The following ST8SIA5 variants were observed in gnomAD, a reference collection of about 807,000 sequenced individuals.
The protein encoded by ST8SIA5 is ST8 alpha-N-acetyl-neuraminide alpha-2,8-sialyltransferase 5.
ST8SIA5 carries 24 observed loss-of-function variants against 40.2 expected under a neutral mutation model. The observed-to-expected ratio is 0.60, with a 90% CI of 0.43 to 0.84. The LOEUF is 0.84. Ranked by LOEUF, ST8SIA5 falls within the 40% of genes least tolerant of loss-of-function variation. ST8SIA5 has a pLI of 0.00. For missense variants in ST8SIA5, 465 were observed against 498.5 expected (o/e 0.93, Z 0.64); for synonymous variants, 198 against 201.8 (o/e 0.98, Z 0.16).
chr18:46,753,812 C>A (rs748010471), intron 1 of ST8SIA5, among the ~76,000 whole-genome samples: 2 of 152,068 alleles, frequency 1.3e-5, no homozygotes, highest in Admixed American at 6.5e-5. Flanking sequence ...AACATTGCCA[C>A]GGGGAATAGG....
intron 5 of ST8SIA5, among the ~76,000 whole-genome samples, chr18:46,684,069 G>C (rs775074565): frequency 1.3e-5 from 2 of 152,128 alleles, no homozygotes; most frequent in African/African-American, 2.4e-5. Flanking sequence ...CTTTGCTGCT[G>C]CTGTACTGCT....
chr18:46,686,072 TG>T, intron 5 of ST8SIA5, 101 bp downstream of exon 5: 2 of 1,075,748 alleles, frequency 1.9e-6, no homozygotes, highest in Non-Finnish European at 2.8e-6. Flanking sequence ...GGGTGGGAAG[TG>T]GGGATTACTT....
At chr18:46,704,733 G>A (rs1248783244) in intron 1 of ST8SIA5, 69 bp from the exon 2 acceptor site, 1 of 1,276,954 alleles carries the variant, frequency 7.8e-7, no homozygotes, top group East Asian at 2.3e-5. Context: ...AGGGGCTCTT[G>A]TTGCAGGGTG....
chr18:46,731,672 C>T (rs770742930), intron 1 of ST8SIA5: 27 of 152,470 alleles, frequency 1.8e-4, no homozygotes, highest in African/African-American at 5.8e-4. Context: ...CCAGAACAGA[C>T]GCCCTTACCT....
At chr18:46,720,301 G>A (rs2039848998) in intron 1 of ST8SIA5, among the ~76,000 whole-genome samples, 1 of 152,094 alleles carries the variant, frequency 6.6e-6, no homozygotes, top group African/African-American at 2.4e-5. Flanking sequence ...ACAAGCATGG[G>A]CCCCCACCTT....
intron 2 of ST8SIA5, among the ~76,000 whole-genome samples, chr18:46,703,984 T>C (rs1236147282): frequency 6.6e-6 from 1 of 152,132 alleles, no homozygotes; most frequent in Non-Finnish European, 1.5e-5. Context: ...TTACCATTTA[T>C]GTAAAAAAAA....
chr18:46,715,844 C>T (rs2039783146), intron 1 of ST8SIA5, among the ~76,000 whole-genome samples: 1 of 152,146 alleles, frequency 6.6e-6, no homozygotes, highest in African/African-American at 2.4e-5. Flanking sequence ...GCCTCAGCCT[C>T]TTACAAGTTC....
intron 1 of ST8SIA5, among the ~76,000 whole-genome samples, chr18:46,709,969 T>G (rs1347437733): frequency 1.3e-5 from 2 of 152,178 alleles, no homozygotes; most frequent in South Asian, 2.1e-4. Context: ...TTCTCCAACC[T>G]TCTTAAACTC....
intron 4 of ST8SIA5, 106 bp downstream of exon 4, chr18:46,688,669 G>A: frequency 7.1e-7 from 1 of 1,417,620 alleles, no homozygotes; most frequent in Non-Finnish European, 9.5e-7. Context: ...ACTGAGTCCA[G>A]AGGACCGTGA....
In ST8SIA5 at chr18:46,721,243, C is replaced by T. The variant is rs1425787325; in HGVS notation, c.132-16579G>A. The T allele has an allele frequency of 5.7e-5, 50 of 879,320 alleles. 1 individual carries two copies. Among genetic ancestry groups the T allele is most frequent in the African/African-American group, 1.7e-4 (10 of 60,004 alleles). The allele number at this position is 879,320 out of a possible 1,614,324, so 54.5% of individuals were successfully genotyped here. A position where few individuals can be genotyped will look rare whatever the true frequency, so the allele number is the denominator to read the frequency against. ...TGGGATACCAAAGTGCAGGGAGTTT[C>T]GAGCCACCAGAACAAGACCTGCTTC... is the stretch of plus-strand genomic sequence containing the variant. On this transcript the variant is annotated intron_variant, in intron 1 of 6. Transcript: ENST00000315087.
chr18:46,719,033 G>A (rs4553714), intron 1 of ST8SIA5, among the ~76,000 whole-genome samples: 141,699 of 152,252 alleles, frequency 0.93, 66,084 homozygotes, highest in East Asian at 0.99. Context: ...GGGACTCTAC[G>A]TACTGCAGTC....
intron 1 of ST8SIA5, among the ~76,000 whole-genome samples, chr18:46,728,349 G>T (rs745966118): frequency 6.6e-6 from 1 of 152,228 alleles, no homozygotes; most frequent in Non-Finnish European, 1.5e-5. Context: ...ACACAGGAAG[G>T]GGAGGAAGTG....
At chr18:46,750,003 T>C (rs78836335) in intron 1 of ST8SIA5, among the ~76,000 whole-genome samples, 2,641 of 152,310 alleles carry the variant, frequency 0.017, 33 homozygotes, top group Middle Eastern at 0.034. Flanking sequence ...ATCACCTTGA[T>C]CTTGAACTTT....
intron 1 of ST8SIA5, among the ~76,000 whole-genome samples, chr18:46,723,925 TAA>T (rs879694921): frequency 2.1e-5 from 3 of 141,342 alleles, no homozygotes; most frequent in African/African-American, 2.6e-5. Context: ...AAACTCCATC[TAA>T]AAAAAAAAAA....
chr18:46,692,396 T>C, intron 2 of ST8SIA5, 141 bp from the exon 3 acceptor site: 1 of 662,286 alleles, frequency 1.5e-6, no homozygotes. Context: ...TGTTTTCTTC[T>C]CTTTCTTTGT....
chr18:46,740,791 C>T (rs1042165720), intron 1 of ST8SIA5, among the ~76,000 whole-genome samples: 1 of 152,100 alleles, frequency 6.6e-6, no homozygotes, highest in Admixed American at 6.6e-5. Flanking sequence ...ATAAAATAGC[C>T]CCTGGTAACA....
rs924400153 is a variant in ST8SIA5 at position 46,675,073 on chromosome 18, G to C, written c.*4969C>G. ...TCTCTGAAAGCAAAAAGATCCATCA[G>C]ATGGTCTGGGTTAGGGCAGTAGCAG... On this transcript the variant is annotated 3_prime_UTR_variant, in exon 7 of 7. Coordinates refer to ENST00000315087, the MANE Select transcript of ST8SIA5 (RefSeq NM_013305.6). 3 of 152,222 alleles carry C rather than the reference G, an allele frequency of 2.0e-5. No homozygotes were observed. The highest frequency in any genetic ancestry group is 2.9e-5 in the Non-Finnish European group (2 of 68,058). The allele number at this position is 152,222 out of a possible 1,614,324, so 9.4% of individuals were successfully genotyped here.
At chr18:46,732,336 G>A (rs2039993042) in intron 1 of ST8SIA5, among the ~76,000 whole-genome samples, 1 of 152,208 alleles carries the variant, frequency 6.6e-6, no homozygotes, top group African/African-American at 2.4e-5. Flanking sequence ...CTGGAACCCA[G>A]GAGTCCTGAC....
chr18:46,740,505 T>A (rs2144558802), intron 1 of ST8SIA5, among the ~76,000 whole-genome samples: 1 of 152,126 alleles, frequency 6.6e-6, no homozygotes, highest in Middle Eastern at 3.4e-3. Context: ...ACAACAGACA[T>A]AGAATGAAAG....
Sources: gnomAD v4.1 joint callset for allele counts (sites outside exome capture counted in the v4.1 genomes callset) on GRCh38, gnomAD v4.1.1 for gene constraint, MANE v1.5 for transcripts, NCBI Gene and HGNC (gene_info 2026-07-23, HGNC 2026-07-21) for gene names.